The following QTMAN variants were observed in gnomAD, a reference collection of about 807,000 sequenced individuals.
QTMAN encodes the protein tRNA-queuosine alpha-mannosyltransferase.
chr2:144,107,750 T>C, the QTMAN span, among the ~76,000 whole-genome samples: 2 of 152,116 alleles, frequency 1.3e-5, no homozygotes, highest in Non-Finnish European at 2.9e-5. Flanking sequence ...CCTAACTCAT[T>C]TTATGAGGCC....
chr2:144,136,788 CTA>C, the QTMAN span, among the ~76,000 whole-genome samples: 2 of 152,156 alleles, frequency 1.3e-5, no homozygotes, highest in South Asian at 4.1e-4. Context: ...TCAATCTAAT[CTA>C]TATCCTTTAA....
the QTMAN span, among the ~76,000 whole-genome samples, chr2:144,050,027 T>G: frequency 6.6e-6 from 1 of 152,146 alleles, no homozygotes; most frequent in Non-Finnish European, 1.5e-5. Context: ...TCTAGAGCAT[T>G]TACATAGAAC....
the QTMAN span, among the ~76,000 whole-genome samples, chr2:144,124,326 A>G: frequency 2.6e-5 from 4 of 152,192 alleles, no homozygotes; most frequent in African/African-American, 9.6e-5. Flanking sequence ...AAATGGGACT[A>G]CAGGCAAATT....
the QTMAN span, among the ~76,000 whole-genome samples, chr2:144,160,413 G>T: frequency 0.014 from 2,109 of 152,048 alleles, 50 homozygotes; most frequent in African/African-American, 0.049. Flanking sequence ...TTCTAGTGTT[G>T]GTAATTACAT....
chr2:144,331,924 G>A, the QTMAN span, among the ~76,000 whole-genome samples: 1 of 152,306 alleles, frequency 6.6e-6, no homozygotes, highest in South Asian at 2.1e-4. Flanking sequence ...CGTCAGGAAG[G>A]CCTGGGGCTC....
chr2:144,329,174 G>A, the QTMAN span, among the ~76,000 whole-genome samples: 15,830 of 151,866 alleles, frequency 0.1, 1,059 homozygotes, highest in Non-Finnish European at 0.15. Flanking sequence ...CCAGAGAGGC[G>A]GAGGCTGCAG....
At chr2:144,252,542 A>C in the QTMAN span, among the ~76,000 whole-genome samples, 1 of 152,218 alleles carries the variant, frequency 6.6e-6, no homozygotes, top group Non-Finnish European at 1.5e-5. Flanking sequence ...AGCACTACAT[A>C]CTTATCAGAA....
At chr2:144,127,229 G>A in the QTMAN span, among the ~76,000 whole-genome samples, 1 of 151,940 alleles carries the variant, frequency 6.6e-6, no homozygotes, top group Non-Finnish European at 1.5e-5. Flanking sequence ...GATCATAACA[G>A]CCCTCTTCCA....
the QTMAN span, among the ~76,000 whole-genome samples, chr2:143,965,161 G>C: frequency 1.3e-4 from 19 of 151,716 alleles, no homozygotes; most frequent in South Asian, 3.3e-3. Flanking sequence ...AGGCTTTTTG[G>C]TTCATTTGTA....
the QTMAN span, among the ~76,000 whole-genome samples, chr2:144,017,236 C>T: frequency 6.6e-6 from 1 of 152,080 alleles, no homozygotes; most frequent in Admixed American, 6.5e-5. Flanking sequence ...ATCTCTTGAC[C>T]TTGTGATCCA....
the QTMAN span, among the ~76,000 whole-genome samples, chr2:144,207,666 A>G: frequency 6.6e-6 from 1 of 152,138 alleles, no homozygotes; most frequent in Non-Finnish European, 1.5e-5. Context: ...GTTAACCACC[A>G]TAGGATAGTC....
the QTMAN span, among the ~76,000 whole-genome samples, chr2:144,301,806 C>T: frequency 6.6e-6 from 1 of 152,212 alleles, no homozygotes; most frequent in Non-Finnish European, 1.5e-5. Flanking sequence ...CTGAAGGCCA[C>T]TGCCACTCCT....
the QTMAN span, among the ~76,000 whole-genome samples, chr2:144,147,624 G>A: frequency 2.8e-4 from 43 of 151,786 alleles, no homozygotes; most frequent in East Asian, 2.7e-3. Context: ...AAGCAATGAC[G>A]CCCATTCTTA....
chr2:144,052,811 C>A, the QTMAN span, among the ~76,000 whole-genome samples: 2 of 152,164 alleles, frequency 1.3e-5, no homozygotes, highest in Non-Finnish European at 2.9e-5. Context: ...GCCACCACAC[C>A]CGACTAATTT....
the QTMAN span, among the ~76,000 whole-genome samples, chr2:144,166,252 C>G: frequency 1.3e-5 from 2 of 152,296 alleles, no homozygotes; most frequent in East Asian, 3.9e-4. Flanking sequence ...ATGCTCCCTT[C>G]CCTCAAATCA....
the QTMAN span, among the ~76,000 whole-genome samples, chr2:144,253,346 G>C: frequency 1.1e-4 from 17 of 152,252 alleles, no homozygotes; most frequent in African/African-American, 4.1e-4. Context: ...AGGATAGTGG[G>C]GTGCTGCTAT....
the QTMAN span, among the ~76,000 whole-genome samples, chr2:144,156,117 T>C: frequency 6.6e-6 from 1 of 152,188 alleles, no homozygotes. Context: ...TGCTTTACTC[T>C]ATTGAGTTAC....
chr2:144,078,372 C>T, the QTMAN span, among the ~76,000 whole-genome samples: 5 of 152,320 alleles, frequency 3.3e-5, no homozygotes, highest in Admixed American at 2.0e-4. Flanking sequence ...AAGACAGAAA[C>T]ATAAGAAACA....
the QTMAN span, among the ~76,000 whole-genome samples, chr2:144,135,165 T>C: frequency 6.6e-6 from 1 of 152,130 alleles, no homozygotes; most frequent in Admixed American, 6.6e-5. Context: ...AACACATTCT[T>C]ATATGATCCA....
Sources: allele counts gnomAD v4.1 joint callset (sites outside exome capture counted in the v4.1 genomes callset), GRCh38; gene constraint gnomAD v4.1.1; transcripts MANE v1.5; gene names NCBI Gene and HGNC (gene_info 2026-07-23, HGNC 2026-07-21).